The following EYA1 variants were observed in gnomAD, a reference collection of about 807,000 sequenced individuals.
EYA1 encodes the protein EYA transcriptional coactivator and phosphatase 1.
EYA1 carries 16 observed loss-of-function variants against 82.0 expected under a neutral mutation model. The observed-to-expected ratio is 0.20, with a 90% CI of 0.13 to 0.30. The LOEUF (loss-of-function observed/expected upper bound fraction) is 0.30, where lower values mean the gene tolerates loss of function less well. EYA1 is among the 10% of genes least tolerant of loss of function. EYA1 has a pLI of 1.00. For missense variants in EYA1, 633 were observed against 730.7 expected, an observed-to-expected ratio of 0.87 and a Z score of 1.54; for synonymous variants, 261 against 264.4, an observed-to-expected ratio of 0.99 and a Z score of 0.12.
At chr8:71,515,422 G>T (rs1455474433) in intron 2 of EYA1, among the ~76,000 whole-genome samples, 1 of 152,024 alleles carries the variant, frequency 6.6e-6, no homozygotes, top group East Asian at 1.9e-4. Context: ...TTCAGTTACT[G>T]CTGTGTGAAA....
intron 2 of EYA1, among the ~76,000 whole-genome samples, chr8:71,381,847 G>A (rs1400160611): frequency 1.3e-5 from 2 of 152,102 alleles, no homozygotes; most frequent in African/African-American, 4.8e-5. Context: ...GTATCATTTG[G>A]GGATTTATTG....
chr8:71,302,292 TA>T (rs1218152426), intron 7 of EYA1, among the ~76,000 whole-genome samples: 2 of 152,166 alleles, frequency 1.3e-5, no homozygotes, highest in Non-Finnish European at 2.9e-5. Flanking sequence ...AATATATTTT[TA>T]AAATGGATGT....
chr8:71,449,863 T>C (rs186549330), intron 2 of EYA1, among the ~76,000 whole-genome samples: 34 of 152,374 alleles, frequency 2.2e-4, no homozygotes, highest in African/African-American at 7.9e-4. Context: ...GGAAACTTGC[T>C]GCAGAAGTTC....
chr8:71,425,559 A>G (rs1650836653), intron 2 of EYA1, among the ~76,000 whole-genome samples: 2 of 152,110 alleles, frequency 1.3e-5, no homozygotes. Context: ...CCTTCTGCAC[A>G]CAACCATAAG....
intron 2 of EYA1, among the ~76,000 whole-genome samples, chr8:71,465,609 A>T (rs1422124894): frequency 6.6e-6 from 1 of 152,190 alleles, no homozygotes; most frequent in Non-Finnish European, 1.5e-5. Context: ...GCAACAGAGC[A>T]AGACTCCATT....
At chr8:71,217,664 T>C (rs1449497885) in intron 12 of EYA1, among the ~76,000 whole-genome samples, 2 of 151,858 alleles carry the variant, frequency 1.3e-5, no homozygotes, top group Non-Finnish European at 2.9e-5. Flanking sequence ...AGTCAAACCA[T>C]GTGCTTGTTT....
chr8:71,408,139 G>A (rs1294503612), intron 2 of EYA1, among the ~76,000 whole-genome samples: 2 of 151,872 alleles, frequency 1.3e-5, no homozygotes, highest in Admixed American at 1.3e-4. Context: ...ATAAGTGAAG[G>A]AGAAATAAAA....
chr8:71,438,432 A>G (rs1432322897), intron 2 of EYA1, among the ~76,000 whole-genome samples: 2 of 152,064 alleles, frequency 1.3e-5, no homozygotes, highest in Non-Finnish European at 2.9e-5. Flanking sequence ...TACCCTATAC[A>G]TAACATTGTG....
At chr8:71,529,358 G>A (rs1001708801) in intron 2 of EYA1, 1 of 152,148 alleles carries the variant, frequency 6.6e-6, no homozygotes, top group African/African-American at 2.4e-5. Context: ...GTACACTAGA[G>A]ATACAGCATT....
intron 2 of EYA1, among the ~76,000 whole-genome samples, chr8:71,459,176 A>G (rs1000704126): frequency 6.6e-6 from 1 of 152,232 alleles, no homozygotes; most frequent in African/African-American, 2.4e-5. Context: ...TGTGCTCATT[A>G]TGGCATGCCC....
intron 2 of EYA1, among the ~76,000 whole-genome samples, chr8:71,420,811 C>T (rs1230570635): frequency 6.6e-6 from 1 of 152,102 alleles, no homozygotes; most frequent in Admixed American, 6.6e-5. Flanking sequence ...AAAGGCATCA[C>T]TCTTCTATAT....
intron 2 of EYA1, among the ~76,000 whole-genome samples, chr8:71,498,314 T>C (rs1811570352): frequency 6.6e-6 from 1 of 152,168 alleles, no homozygotes; most frequent in Non-Finnish European, 1.5e-5. Context: ...ACATGATAAA[T>C]ACATACAATT....
At chr8:71,512,465 C>T (rs1812675972) in intron 2 of EYA1, among the ~76,000 whole-genome samples, 1 of 151,018 alleles carries the variant, frequency 6.6e-6, no homozygotes, top group African/African-American at 2.4e-5. Flanking sequence ...AAGCAAAGCT[C>T]TAGGAAGAAA....
intron 4 of EYA1, among the ~76,000 whole-genome samples, chr8:71,333,716 T>A (rs1824154994): frequency 6.6e-6 from 1 of 152,154 alleles, no homozygotes; most frequent in Admixed American, 6.5e-5. Context: ...ACTTGGCGAG[T>A]CTGCTTAGAA....
At chr8:71,490,619 T>C (rs547856893) in intron 2 of EYA1, among the ~76,000 whole-genome samples, 20 of 152,292 alleles carry the variant, frequency 1.3e-4, no homozygotes, top group Admixed American at 2.6e-4. Flanking sequence ...TATGTATAGA[T>C]ATGAAAGAAG....
At chr8:71,397,254 T>C (rs1243142834) in intron 2 of EYA1, among the ~76,000 whole-genome samples, 2 of 152,358 alleles carry the variant, frequency 1.3e-5, no homozygotes, top group East Asian at 3.9e-4. Context: ...TTTGCCAGTC[T>C]GTGTCTTTTA....
At position 71,317,713 on chromosome 8, in the gene EYA1, T is replaced by G. The variant is rs1822079825; in HGVS notation, c.419-24A>C. 2.5e-6 allele frequency: 4 copies of G among 1,612,942 alleles called. No homozygotes were observed. The South Asian group carries it at 4.4e-5, about 18-fold the overall frequency. ...ACCTAAATCAGTTAGTGATAGCTTA[T>G]CTATCTGTCCATTTTCAAAAGCTGG... On this transcript the variant is annotated intron_variant, in intron 6 of 17. Transcript: ENST00000340726.
chr8:71,276,155 C>G (rs1429971176), intron 9 of EYA1, among the ~76,000 whole-genome samples: 2 of 152,220 alleles, frequency 1.3e-5, no homozygotes, highest in African/African-American at 2.4e-5. Context: ...TATGTAACGT[C>G]ATTGATTACT....
intron 2 of EYA1, among the ~76,000 whole-genome samples, chr8:71,489,702 T>G (rs969382953): frequency 6.6e-6 from 1 of 152,224 alleles, no homozygotes; most frequent in Non-Finnish European, 1.5e-5. Flanking sequence ...ACATTTTTAA[T>G]CCATGAAAGA....
Sources: allele counts gnomAD v4.1 joint callset (sites outside exome capture counted in the v4.1 genomes callset), GRCh38; gene constraint gnomAD v4.1.1; transcripts MANE v1.5; gene names NCBI Gene and HGNC (gene_info 2026-07-23, HGNC 2026-07-21).